GMEB1: variants seen among roughly 807,000 people sequenced by gnomAD.
GMEB1 encodes the protein glucocorticoid modulatory element binding protein 1.
GMEB1 carries 6 observed loss-of-function variants against 52.4 expected under a neutral mutation model. The observed-to-expected ratio is 0.11, with a 90% CI of 0.06 to 0.23. GMEB1 has a LOEUF of 0.23. Among genes scored for constraint, GMEB1 ranks in the 10% least tolerant of loss-of-function variants. The pLI, the probability that GMEB1 is intolerant of heterozygous loss-of-function variation, is 1.00. For synonymous variants in GMEB1, 255 were observed against 244.9 expected, an observed-to-expected ratio of 1.04 and a Z score of -0.38; for missense variants, 486 against 685.6, an observed-to-expected ratio of 0.71 and a Z score of 3.25.
intron 1 of GMEB1, among the ~76,000 whole-genome samples, chr1:28,676,264 A>AT (rs1669147081): frequency 6.6e-6 from 1 of 151,966 alleles, no homozygotes; most frequent in African/African-American, 2.4e-5. Context: ...TAACTAACCC[A>AT]TTTTTTTTGC....
chr1:28,670,114 G>A (rs1668813974), intron 1 of GMEB1, among the ~76,000 whole-genome samples: 1 of 152,054 alleles, frequency 6.6e-6, no homozygotes, highest in Non-Finnish European at 1.5e-5. Context: ...CTTCCTCCTT[G>A]CCTCTTCTAA....
At chr1:28,711,320 G>T (rs950018715) in intron 9 of GMEB1, among the ~76,000 whole-genome samples, 3 of 150,424 alleles carry the variant, frequency 2.0e-5, no homozygotes, top group African/African-American at 7.3e-5. Context: ...CCTTTAAACC[G>T]TCAGAAAACT....
At chr1:28,675,956 AAAG>A (rs977292539) in intron 1 of GMEB1, among the ~76,000 whole-genome samples, 2 of 152,126 alleles carry the variant, frequency 1.3e-5, no homozygotes, top group Non-Finnish European at 2.9e-5. Flanking sequence ...TTGCTTCTCT[AAAG>A]AAGGTCAGAA....
In GMEB1 at chr1:28,701,268, C is replaced by CTTTTTTTT. The variant is rs67909525; in HGVS notation, c.599-1160_599-1153dup. On this transcript the variant is annotated intron_variant, in intron 6 of 9. Transcript: ENST00000373816. ...TTGATTCTCTTTGTTTAAAAGCTGT[C>CTTTTTTTT]TTTTTTTTTTTTTTTTTGAGATGAT... Among the ~76,000 whole-genome samples, 669 of 109,732 alleles carry CTTTTTTTT rather than the reference C, an allele frequency of 6.1e-3. 12 individuals are homozygous for CTTTTTTTT. The highest frequency in any genetic ancestry group is 0.014 in the East Asian group (43 of 3,006). The allele number at this position is 109,732 out of a possible 152,430, so 72.0% of individuals were successfully genotyped here.
chr1:28,707,242 A>G (rs1670826789), intron 8 of GMEB1, among the ~76,000 whole-genome samples: 1 of 151,860 alleles, frequency 6.6e-6, no homozygotes, highest in Non-Finnish European at 1.5e-5. Context: ...TCGGCCTCCC[A>G]AAGTGCTGGG....
rs759658289 is a variant in GMEB1 at position 28,691,679 on chromosome 1, A to G, written c.306A>G (p.Val102=). 15 of 1,573,410 alleles carry G rather than the reference A, an allele frequency of 9.5e-6. No homozygotes were observed. The highest frequency in any genetic ancestry group is 1.7e-5 in the Admixed American group (1 of 58,562). Residue 102 remains valine, a synonymous_variant, in exon 4 of 10, where the codon GTA becomes GTG. Transcript: ENST00000373816. ...SKAILLWKKF[V]CPGINVKCVK... The stretch of plus-strand genomic sequence containing the variant: ...CCATCCTCCTCTGGAAGAAGTTTGT[A>G]TGTCCAGGAATAAACGTGAAGTGTG...
intron 2 of GMEB1, among the ~76,000 whole-genome samples, chr1:28,687,410 T>A (rs1371296833): frequency 7.6e-5 from 8 of 105,022 alleles, no homozygotes; most frequent in Admixed American, 1.1e-4. Context: ...TGGAGAATAA[T>A]GTTCTGGGAA....
At chr1:28,678,655 G>A (rs148817818) in intron 1 of GMEB1, among the ~76,000 whole-genome samples, 1 of 152,030 alleles carries the variant, frequency 6.6e-6, no homozygotes, top group African/African-American at 2.4e-5. Flanking sequence ...CTCTTGCTTT[G>A]TCACCTAAGC....
At chr1:28,713,299 A>G (rs1481291399) in intron 9 of GMEB1, among the ~76,000 whole-genome samples, 1 of 152,204 alleles carries the variant, frequency 6.6e-6, no homozygotes, top group Non-Finnish European at 1.5e-5. Context: ...GTGCTCTACA[A>G]GTGTAATTGA....
chr1:28,691,478 A>G (rs1437578606), intron 3 of GMEB1, 107 bp from the exon 4 acceptor site: 1 of 643,826 alleles, frequency 1.6e-6, no homozygotes, highest in African/African-American at 1.9e-5. Context: ...TGATACCAGC[A>G]AGAGTGAAGT....
intron 6 of GMEB1, among the ~76,000 whole-genome samples, chr1:28,700,327 A>G (rs1670440895): frequency 6.6e-6 from 1 of 151,922 alleles, no homozygotes; most frequent in African/African-American, 2.4e-5. Flanking sequence ...CCTGGCTAGC[A>G]TAGTGAAACC....
At chr1:28,697,358 G>A (rs377042045) in intron 6 of GMEB1, among the ~76,000 whole-genome samples, 21 of 151,604 alleles carry the variant, frequency 1.4e-4, no homozygotes, top group East Asian at 9.7e-4. Flanking sequence ...ACAGGCATGC[G>A]CCACCACACC....
rs1248069820 is a variant in GMEB1, at chr1:28,717,056, G to C, written c.*2283G>C. The C allele has an allele frequency of 6.6e-6, 1 of 150,748 alleles. No individual in the cohort carries two copies. The highest frequency in any genetic ancestry group is 1.5e-5 in the Non-Finnish European group (1 of 67,794). The allele number at this position is 150,748 out of a possible 1,614,324, so 9.3% of individuals were successfully genotyped here. ...TTTTTTTCTTTTTTATTTTTAAGAA[G>C]GCACCTTTCAGAAGCCATGTTTCTT... On this transcript the variant is annotated 3_prime_UTR_variant, in exon 10 of 10. Coordinates refer to ENST00000373816, the MANE Select transcript of GMEB1 (RefSeq NM_001319674.2).
chr1:28,668,396 A>G (rs185902237), upstream of GMEB1, among the ~76,000 whole-genome samples: 12 of 152,072 alleles, frequency 7.9e-5, no homozygotes, highest in Non-Finnish European at 5.9e-5. Context: ...CTGGATTGTA[A>G]CTTGAAGGGT....
intron 6 of GMEB1, among the ~76,000 whole-genome samples, chr1:28,700,479 A>T (rs1389044598): frequency 6.8e-6 from 1 of 147,538 alleles, no homozygotes; most frequent in African/African-American, 2.5e-5. Context: ...GCGCCACTGC[A>T]TTCCAGCCTG....
chr1:28,695,964 A>T (rs1212574284), intron 5 of GMEB1, among the ~76,000 whole-genome samples: 1 of 133,564 alleles, frequency 7.5e-6, no homozygotes, highest in Non-Finnish European at 1.6e-5. Flanking sequence ...AAAAAAAAAA[A>T]AAAAAAAAAA....
Position 28,704,257 on chromosome 1 carries a change from A to G in GMEB1, c.796A>G (p.Ile266Val), listed in dbSNP as rs1304310956. 11 of 1,613,744 alleles carry G rather than the reference A, an allele frequency of 6.8e-6. No individual in the cohort carries two copies. The Middle Eastern group carries it at 4.9e-4, about 72-fold the overall frequency. ...GCTGATGGAAGAGGTTGTCTGCAAT[A>G]TACAGAAGGAAATAGAGGAGCTACT... ...VGLMEEVVCNIQKEIEELLRG... is the reference protein window; with the variant it reads ...VGLMEEVVCNVQKEIEELLRG... The change falls in exon 8 of 10, where the codon ATA becomes GTA. Residue 266 changes from isoleucine to valine, a missense_variant. Ile to Val is a conservative substitution (Grantham distance 29). Transcript: ENST00000373816.
rs1669036092 is a variant in GMEB1, at chr1:28,674,232, C to T, written c.-31+5393C>T. Among the ~76,000 whole-genome samples, 3 of 151,722 alleles carry T rather than the reference C, an allele frequency of 2.0e-5. No homozygotes were observed. In the South Asian group the frequency reaches 6.3e-4, roughly 32 times the overall value. On this transcript the variant is annotated intron_variant, in intron 1 of 9. Coordinates refer to ENST00000373816, the MANE Select transcript of GMEB1 (RefSeq NM_001319674.2). ...TTGGTACCCATAGTGCCAGCTACTCCAGAGGCTGAGGTGGGAGGATCACTT... is the reference window on the plus strand; with the variant it reads ...TTGGTACCCATAGTGCCAGCTACTCTAGAGGCTGAGGTGGGAGGATCACTT...
At chr1:28,702,645 A>G (rs1356601376) in intron 7 of GMEB1, 76 bp downstream of exon 7, 13 of 1,336,868 alleles carry the variant, frequency 9.7e-6, no homozygotes, top group Admixed American at 2.0e-5. Context: ...GACACGGAAG[A>G]CCTCTTAATT....
Sources: gnomAD v4.1 joint callset for allele counts (sites outside exome capture counted in the v4.1 genomes callset) on GRCh38, gnomAD v4.1.1 for gene constraint, MANE v1.5 for transcripts, NCBI Gene and HGNC (gene_info 2026-07-23, HGNC 2026-07-21) for gene names.